C1QTNF3: variants seen among roughly 807,000 people sequenced by gnomAD.
C1QTNF3 encodes the protein C1q and TNF related 3.
C1QTNF3 carries 26 observed loss-of-function variants against 32.6 expected under a neutral mutation model. That is an observed-to-expected ratio of 0.80 (90% CI 0.58 to 1.11). The LOEUF is 1.11. C1QTNF3 is among the 50% of genes least tolerant of loss of function. The pLI is 0.00. For missense variants in C1QTNF3, 362 were observed against 398.2 expected, an observed-to-expected ratio of 0.91 and a Z score of 0.77; for synonymous variants, 155 against 146.0, an observed-to-expected ratio of 1.06 and a Z score of -0.44.
At chr5:34,216,246 T>A in the C1QTNF3 span, among the ~76,000 whole-genome samples, 1 of 152,232 alleles carries the variant, frequency 6.6e-6, no homozygotes, top group Non-Finnish European at 1.5e-5. Flanking sequence ...TTCTTGCTCT[T>A]TTGTTGTTGT....
At chr5:34,225,731 C>T in the C1QTNF3 span, among the ~76,000 whole-genome samples, 1 of 151,758 alleles carries the variant, frequency 6.6e-6, no homozygotes, top group East Asian at 1.9e-4. Context: ...TCTTATTTGT[C>T]TTTCCACCTG....
rs1390754898 is a variant in C1QTNF3, at chr5:34,038,289, G to T, written c.304-2531C>A. The stretch of plus-strand genomic sequence containing the variant: ...AGATAAGGTGAGCACAGGGAGGATG[G>T]AAGGCTCTGCAGAGCAGGACAAAAG... On this transcript the variant is annotated intron_variant, in intron 1 of 5. Transcript: ENST00000382065. Among the ~76,000 whole-genome samples, 3 of 152,200 alleles carry T rather than the reference G, an allele frequency of 2.0e-5. No individual in the cohort carries two copies. The East Asian group carries it at 5.8e-4, about 29-fold the overall frequency.
the C1QTNF3 span, among the ~76,000 whole-genome samples, chr5:34,195,820 A>G: frequency 2.0e-5 from 3 of 151,464 alleles, no homozygotes; most frequent in Admixed American, 6.6e-5. Context: ...AGCCTGGGTG[A>G]CAGAGCGAGA....
the C1QTNF3 span, among the ~76,000 whole-genome samples, chr5:34,224,998 G>A: frequency 6.6e-6 from 1 of 152,122 alleles, no homozygotes; most frequent in African/African-American, 2.4e-5. Context: ...CGAAGGACAT[G>A]AACAGACACT....
the C1QTNF3 span, among the ~76,000 whole-genome samples, chr5:34,174,901 C>T: frequency 1.8e-4 from 27 of 151,116 alleles, no homozygotes; most frequent in African/African-American, 6.5e-4. Flanking sequence ...GCGCCCACCA[C>T]CACGCCCGGC....
intron 3 of C1QTNF3, chr5:34,033,102 C>A: frequency 1.9e-6 from 1 of 517,308 alleles, no homozygotes; most frequent in South Asian, 3.4e-5. Context: ...AATGTCTCTC[C>A]TCCCTAAGAA....
At chr5:34,039,696 T>C (rs1315487373) in intron 1 of C1QTNF3, among the ~76,000 whole-genome samples, 1 of 152,196 alleles carries the variant, frequency 6.6e-6, no homozygotes, top group Non-Finnish European at 1.5e-5. Context: ...CTTCAGAGGA[T>C]GAAACAAGAG....
the C1QTNF3 span, among the ~76,000 whole-genome samples, chr5:34,222,631 C>G: frequency 6.6e-6 from 1 of 151,476 alleles, no homozygotes. Flanking sequence ...ATTACTTTAC[C>G]CCTTAAAAGT....
At chr5:34,112,862 G>A in the C1QTNF3 span, among the ~76,000 whole-genome samples, 1 of 152,064 alleles carries the variant, frequency 6.6e-6, no homozygotes, top group African/African-American at 2.4e-5. Flanking sequence ...ATGAAGTTTG[G>A]TCTTTTGGCC....
the C1QTNF3 span, among the ~76,000 whole-genome samples, chr5:34,064,669 C>T: frequency 0.012 from 1,897 of 152,216 alleles, 39 homozygotes; most frequent in African/African-American, 0.043. Context: ...AGATCTGGGA[C>T]GGCGGCAAAC....
At chr5:34,160,118 C>CT in the C1QTNF3 span, among the ~76,000 whole-genome samples, 1 of 152,146 alleles carries the variant, frequency 6.6e-6, no homozygotes, top group African/African-American at 2.4e-5. Context: ...TTATTCAGTA[C>CT]TGAGGGCATT....
At chr5:34,055,198 A>G in the C1QTNF3 span, among the ~76,000 whole-genome samples, 11 of 152,302 alleles carry the variant, frequency 7.2e-5, no homozygotes, top group South Asian at 1.0e-3. Context: ...TTCTTAACTG[A>G]CCATTTGTTC....
chr5:34,073,065 C>T, the C1QTNF3 span, among the ~76,000 whole-genome samples: 1 of 152,206 alleles, frequency 6.6e-6, no homozygotes, highest in South Asian at 2.1e-4. Context: ...CGGTGACTCA[C>T]GCCTGTAATC....
chr5:34,124,339 C>A, the C1QTNF3 span: 1 of 671,062 alleles, frequency 1.5e-6, no homozygotes, highest in Non-Finnish European at 2.8e-6. Flanking sequence ...TAAAGAAATA[C>A]CTGAGACTAG....
chr5:34,071,847 T>A, the C1QTNF3 span, among the ~76,000 whole-genome samples: 1 of 152,176 alleles, frequency 6.6e-6, no homozygotes, highest in East Asian at 1.9e-4. Flanking sequence ...ATAGAACTGT[T>A]CCAAGCTGAA....
In C1QTNF3 at chr5:34,043,190, C is replaced by T. The variant is rs753370046; in HGVS notation, c.-65G>A. 35 of 1,516,408 alleles carry T rather than the reference C, an allele frequency of 2.3e-5. No homozygotes were observed. The highest frequency in any genetic ancestry group is 4.7e-4 in the Middle Eastern group (2 of 4,238). The allele number at this position is 1,516,408 out of a possible 1,614,324, so 93.9% of individuals were successfully genotyped here. A position where few individuals can be genotyped will look rare whatever the true frequency, so the allele number is the denominator to read the frequency against. ...CAGAGCTCCAGGAGCGTGGTCTCCT[C>T]GGGCAGATGCCAGGACTGGAGCTGA... On this transcript the variant is annotated 5_prime_UTR_variant, in exon 1 of 6. Transcript: ENST00000382065.
At position 34,019,353 on chromosome 5, in the gene C1QTNF3, GT is replaced by G. The variant is rs1351731385; in HGVS notation, c.*1229del. ...TCAATTTCCCACACACCTGGGACTTGTTGCCTACAACCAAACCTTGTGTGTC... is the reference window on the plus strand; with the variant it reads ...TCAATTTCCCACACACCTGGGACTTGTGCCTACAACCAAACCTTGTGTGTC... On this transcript the variant is annotated 3_prime_UTR_variant, in exon 6 of 6. Coordinates refer to ENST00000382065, the MANE Select transcript of C1QTNF3 (RefSeq NM_181435.6). The G allele has an allele frequency of 2.0e-5, 3 of 152,186 alleles. No homozygotes were observed. Among genetic ancestry groups the G allele is most frequent in the African/African-American group, 7.2e-5 (3 of 41,448 alleles). 9.4% of individuals were successfully genotyped at this position (152,186 alleles called of 1,614,324 possible).
At chr5:34,115,853 T>C in the C1QTNF3 span, among the ~76,000 whole-genome samples, 38 of 152,170 alleles carry the variant, frequency 2.5e-4, no homozygotes, top group African/African-American at 8.4e-4. Flanking sequence ...TATCTGCACA[T>C]TTCAAACTCT....
At chr5:34,239,081 A>G in the C1QTNF3 span, among the ~76,000 whole-genome samples, 1 of 152,198 alleles carries the variant, frequency 6.6e-6, no homozygotes, top group Non-Finnish European at 1.5e-5. Flanking sequence ...TTCTTCTCAG[A>G]TAAGCAAATA....
Sources: gnomAD v4.1 joint callset for allele counts (sites outside exome capture counted in the v4.1 genomes callset) on GRCh38, gnomAD v4.1.1 for gene constraint, MANE v1.5 for transcripts, NCBI Gene and HGNC (gene_info 2026-07-23, HGNC 2026-07-21) for gene names.